Variants in NRXN3 observed in about 807,000 individuals in gnomAD.
The protein encoded by NRXN3 is neurexin III.
In NRXN3, 32 loss-of-function variants were observed where a neutral mutation model predicts 137.6. The ratio of observed to expected loss-of-function variants is 0.23; its 90% confidence interval spans 0.18 to 0.31. The LOEUF (loss-of-function observed/expected upper bound fraction) is 0.31, where lower values mean the gene tolerates loss of function less well. NRXN3 is among the 10% of genes least tolerant of loss of function. The pLI is 1.00. For missense variants in NRXN3, 1,574 were observed against 2,062.5 expected (o/e 0.76, Z 4.59); for synonymous variants, 798 against 784.5 (o/e 1.02, Z -0.29).
At chr14:78,786,296 A>G (rs537792567) in intron 8 of NRXN3, among the ~76,000 whole-genome samples, 2 of 152,338 alleles carry the variant, frequency 1.3e-5, no homozygotes, top group South Asian at 4.1e-4. Context: ...TCATCTTCCA[A>G]GAAGAGCATA....
chr14:78,223,750 G>A lies in NRXN3; in HGVS notation c.-703-18641G>A, dbSNP rs145331439. On this transcript the variant is annotated intron_variant, in intron 1 of 20. Transcript: ENST00000335750. ...GGCTTATGTAGAGATGTGGCCAGAG[G>A]TTGGGAGGGCTGGACATGCTGACCT... is the stretch of plus-strand genomic sequence containing the variant. Among the ~76,000 whole-genome samples the A allele has an allele frequency of 3.1e-3, 474 of 152,346 alleles. 1 individual carries two copies. Among genetic ancestry groups the A allele is most frequent in the African/African-American group, 0.011 (456 of 41,576 alleles).
At chr14:79,128,533 G>T (rs2056937440) in intron 15 of NRXN3, among the ~76,000 whole-genome samples, 1 of 151,340 alleles carries the variant, frequency 6.6e-6, no homozygotes, top group East Asian at 1.9e-4. Flanking sequence ...AAGCCCACTT[G>T]ATCATGGTGG....
intron 15 of NRXN3, among the ~76,000 whole-genome samples, chr14:79,184,840 GTCT>G (rs1204359759): frequency 6.6e-6 from 1 of 152,122 alleles, no homozygotes; most frequent in African/African-American, 2.4e-5. Flanking sequence ...TTTTCCTCTA[GTCT>G]TCTTATTTGT....
chr14:78,198,964 G>GA (rs1317189683), intron 1 of NRXN3, among the ~76,000 whole-genome samples: 1 of 152,134 alleles, frequency 6.6e-6, no homozygotes, highest in Non-Finnish European at 1.5e-5. Flanking sequence ...TGGTGGCAGA[G>GA]AAAAAAACCT....
chr14:79,698,557 C>A (rs576040548), intron 19 of NRXN3, among the ~76,000 whole-genome samples: 1 of 152,124 alleles, frequency 6.6e-6, no homozygotes, highest in African/African-American at 2.4e-5. Flanking sequence ...TTGAGTTTGG[C>A]TATACCGGAA....
intron 20 of NRXN3, among the ~76,000 whole-genome samples, chr14:79,844,212 C>A (rs2141528419): frequency 6.6e-6 from 1 of 151,922 alleles, no homozygotes; most frequent in African/African-American, 2.4e-5. Flanking sequence ...TCCACCATAT[C>A]TTCAGTTACT....
At chr14:78,834,184 T>C (rs2098989942) in intron 10 of NRXN3, among the ~76,000 whole-genome samples, 1 of 152,124 alleles carries the variant, frequency 6.6e-6, no homozygotes, top group Non-Finnish European at 1.5e-5. Context: ...CATCTTATTC[T>C]AGGAGCGACA....
intron 2 of NRXN3, among the ~76,000 whole-genome samples, chr14:78,275,645 G>T (rs1017995571): frequency 6.6e-6 from 1 of 152,162 alleles, no homozygotes; most frequent in Non-Finnish European, 1.5e-5. Context: ...ACTCTCATTG[G>T]TTGGGCTTGG....
chr14:78,841,035 A>C (rs2099010875), intron 10 of NRXN3, among the ~76,000 whole-genome samples: 1 of 152,176 alleles, frequency 6.6e-6, no homozygotes, highest in South Asian at 2.1e-4. Flanking sequence ...GTCTTTAAGC[A>C]ACATGCCTCA....
At chr14:78,258,293 A>G (rs1191186145) in intron 2 of NRXN3, among the ~76,000 whole-genome samples, 2 of 152,194 alleles carry the variant, frequency 1.3e-5, no homozygotes, top group East Asian at 3.9e-4. Flanking sequence ...CAGGAAAGCC[A>G]TTGTGAGGAG....
At chr14:78,574,163 A>G (rs2096914838) in intron 4 of NRXN3, among the ~76,000 whole-genome samples, 1 of 152,182 alleles carries the variant, frequency 6.6e-6, no homozygotes, top group African/African-American at 2.4e-5. Context: ...ATTTTAGCAG[A>G]TGTATGGGAA....
chr14:78,561,421 C>A (rs993163510), intron 4 of NRXN3, among the ~76,000 whole-genome samples: 2 of 152,156 alleles, frequency 1.3e-5, no homozygotes, highest in Non-Finnish European at 2.9e-5. Context: ...ATTACATACA[C>A]TCAGCACCAT....
At position 79,845,872 on chromosome 14, in the gene NRXN3, T is replaced by TGGAGAGAGAGAC. The variant is rs1568436078; in HGVS notation, c.4094-15459_4094-15458insCGGAGAGAGAGA. ...AGAGGGAGACGGGGAGAGAGAGAGA[T>TGGAGAGAGAGAC]GGAGAGAGAGAGAGATGGAGAGAAA... On this transcript the variant is annotated intron_variant, in intron 20 of 20. Coordinates refer to ENST00000335750, the MANE Select transcript of NRXN3 (RefSeq NM_001330195.2). Among the ~76,000 whole-genome samples, 40 of 7,638 alleles carry TGGAGAGAGAGAC rather than the reference T, an allele frequency of 5.2e-3. 8 individuals carry two copies. The East Asian group carries it at 0.21, about 40-fold the overall frequency. 5.0% of individuals were successfully genotyped at this position (7,638 alleles called of 152,430 possible).
In NRXN3 at chr14:78,755,499, T is replaced by C. The variant is rs138271533; in HGVS notation, c.2044+40360T>C. On this transcript the variant is annotated intron_variant, in intron 8 of 20. Coordinates refer to ENST00000335750, the MANE Select transcript of NRXN3 (RefSeq NM_001330195.2). ...TAAATGAGTGAGCACACTTGACTTT[T>C]GTAATGTCTTTTTAAAGAGGTATTA... 1.3e-3 allele frequency among the ~76,000 whole-genome samples: 194 copies of C among 152,328 alleles called. 1 individual carries two copies. Among genetic ancestry groups the C allele is most frequent in the African/African-American group, 4.4e-3 (183 of 41,584 alleles).
At chr14:78,600,563 T>G (rs1469672228) in intron 4 of NRXN3, among the ~76,000 whole-genome samples, 1 of 152,222 alleles carries the variant, frequency 6.6e-6, no homozygotes, top group African/African-American at 2.4e-5. Context: ...ATTTGCTTCC[T>G]TTTGTTGCTT....
At chr14:78,398,500 G>A (rs75022223) in intron 4 of NRXN3, among the ~76,000 whole-genome samples, 4,578 of 152,128 alleles carry the variant, frequency 0.03, 266 homozygotes, top group East Asian at 0.29. Flanking sequence ...TCTCTACTTG[G>A]CCAATATTGA....
intron 10 of NRXN3, among the ~76,000 whole-genome samples, chr14:78,939,874 T>C (rs895509010): frequency 1.3e-5 from 2 of 152,266 alleles, no homozygotes; most frequent in African/African-American, 4.8e-5. Context: ...CTCACAGCTC[T>C]CAGAGATTAT....
At chr14:78,416,286 T>C (rs2093132718) in intron 4 of NRXN3, among the ~76,000 whole-genome samples, 1 of 152,176 alleles carries the variant, frequency 6.6e-6, no homozygotes, top group African/African-American at 2.4e-5. Flanking sequence ...TTATTCCCTG[T>C]AGAGTGGGTT....
At chr14:79,768,456 TCCCTGAC>T in intron 19 of NRXN3, among the ~76,000 whole-genome samples, 1 of 152,182 alleles carries the variant, frequency 6.6e-6, no homozygotes, top group South Asian at 2.1e-4. Context: ...CTCAAGTGGG[TCCCTGAC>T]CCCTGACCCC....
Sources: gnomAD v4.1 joint callset for allele counts (sites outside exome capture counted in the v4.1 genomes callset) on GRCh38, gnomAD v4.1.1 for gene constraint, MANE v1.5 for transcripts, NCBI Gene and HGNC (gene_info 2026-07-23, HGNC 2026-07-21) for gene names.